ZFPM2: variants seen among roughly 807,000 people sequenced by gnomAD.
ZFPM2 encodes the protein zinc finger protein ZFPM2.
A neutral mutation model predicts 98.6 loss-of-function variants in ZFPM2; 20 were observed. That is an observed-to-expected ratio of 0.20 (90% CI 0.14 to 0.29). The LOEUF is 0.29. Ranked by LOEUF, ZFPM2 falls within the 10% of genes least tolerant of loss-of-function variation. ZFPM2 has a pLI of 1.00. For synonymous variants in ZFPM2, 518 were observed against 502.7 expected (o/e 1.03, Z -0.41); for missense variants, 1,310 against 1,388.6 (o/e 0.94, Z 0.90).
chr8:105,757,296 A>G (rs1449857339), intron 5 of ZFPM2, among the ~76,000 whole-genome samples: 3 of 152,172 alleles, frequency 2.0e-5, no homozygotes, highest in African/African-American at 7.2e-5. Flanking sequence ...GAAGACAGAT[A>G]ACTCTGTAAT....
Position 105,801,708 on chromosome 8 carries a change from T to C in ZFPM2, c.1626T>C (p.Pro542=), listed in dbSNP as rs759114094. 3.1e-6 allele frequency: 5 copies of C among 1,613,846 alleles called. No homozygotes were observed. The highest frequency in any genetic ancestry group is 4.2e-6 in the Non-Finnish European group (5 of 1,179,860). The change falls in exon 8 of 8, where the codon CCT becomes CCC. Residue 542 remains proline, a synonymous_variant. Coordinates refer to ENST00000407775, the MANE Select transcript of ZFPM2 (RefSeq NM_012082.4). Reference sequence around the variant, plus strand: ...GCTACCCTCCCGTCATTTACAGCCCTTTGATGCCCAAGGGGGCTACTTGTT... The same window carrying C: ...GCTACCCTCCCGTCATTTACAGCCCCTTGATGCCCAAGGGGGCTACTTGTT... The part of the protein sequence containing the change: ...SSSYPPVIYS[P]LMPKGATCFE...
In ZFPM2 at chr8:105,594,164, T is replaced by C. The variant is rs534626201; in HGVS notation, c.420+32683T>C. On this transcript the variant is annotated intron_variant, in intron 4 of 7. Transcript: ENST00000407775. ...ACCTAAATGCCTGAGTTATTCCTTT[T>C]AAATCAGCCTGTCTCCTCTCCTCTT... Among the ~76,000 whole-genome samples, 6 of 152,262 alleles carry C rather than the reference T, an allele frequency of 3.9e-5. No homozygotes were observed. In the South Asian group the frequency reaches 1.2e-3, roughly 32 times the overall value.
At chr8:105,783,821 C>G (rs1386957177) in intron 5 of ZFPM2, among the ~76,000 whole-genome samples, 3 of 151,998 alleles carry the variant, frequency 2.0e-5, no homozygotes, top group Admixed American at 6.6e-5. Context: ...CATGTTTTAG[C>G]TATTGTGAAC....
intron 1 of ZFPM2, among the ~76,000 whole-genome samples, chr8:105,384,361 G>A (rs1163701891): frequency 6.6e-6 from 1 of 152,078 alleles, no homozygotes; most frequent in Non-Finnish European, 1.5e-5. Context: ...AGTGATGATT[G>A]CATAAATGAC....
At chr8:105,668,626 A>T (rs181307135) in intron 5 of ZFPM2, among the ~76,000 whole-genome samples, 16 of 152,320 alleles carry the variant, frequency 1.1e-4, no homozygotes, top group Admixed American at 1.3e-4. Context: ...TTATATTAAT[A>T]TTAGGTTTTA....
chr8:105,649,555 A>G (rs1817124962), intron 5 of ZFPM2, among the ~76,000 whole-genome samples: 1 of 152,202 alleles, frequency 6.6e-6, no homozygotes, highest in South Asian at 2.1e-4. Flanking sequence ...GATACGTCCC[A>G]TCAATACCTA....
At chr8:105,334,118 C>CTGTGTGTGTGTGTGTGTGTG (rs71305145) in intron 1 of ZFPM2, among the ~76,000 whole-genome samples, 1 of 120,402 alleles carries the variant, frequency 8.3e-6, no homozygotes, top group African/African-American at 3.5e-5. Context: ...TAGTAATAAA[C>CTGTGTGTGTGTGTGTGTGTG]TGTGTGTGTG....
chr8:105,543,210 G>T (rs566059308), intron 3 of ZFPM2, among the ~76,000 whole-genome samples: 3 of 152,316 alleles, frequency 2.0e-5, no homozygotes, highest in African/African-American at 7.2e-5. Context: ...ACAAGGCCGG[G>T]CGTGGTAGCT....
At chr8:105,390,748 G>C (rs1424375925) in intron 1 of ZFPM2, among the ~76,000 whole-genome samples, 3 of 152,154 alleles carry the variant, frequency 2.0e-5, no homozygotes, top group African/African-American at 7.2e-5. Flanking sequence ...TGAAAATGGA[G>C]AGACAGATGA....
At chr8:105,579,881 G>C (rs1815550936) in intron 4 of ZFPM2, among the ~76,000 whole-genome samples, 1 of 152,022 alleles carries the variant, frequency 6.6e-6, no homozygotes, top group African/African-American at 2.4e-5. Context: ...GAATCATAGT[G>C]CTTTCTAAAA....
intron 5 of ZFPM2, among the ~76,000 whole-genome samples, chr8:105,657,928 A>G (rs2130880979): frequency 6.6e-6 from 1 of 152,320 alleles, no homozygotes; most frequent in African/African-American, 2.4e-5. Context: ...TCAAATCTAA[A>G]CAAAAAATAA....
chr8:105,383,362 G>C lies in ZFPM2; in HGVS notation c.41-35782G>C, dbSNP rs550725083. Among the ~76,000 whole-genome samples the C allele has an allele frequency of 2.1e-3, 319 of 152,254 alleles. 2 individuals carry two copies. Among genetic ancestry groups the C allele is most frequent in the African/African-American group, 7.4e-3 (308 of 41,548 alleles). On this transcript the variant is annotated intron_variant, in intron 1 of 7. Transcript: ENST00000407775. ...CCTTTCTAAAGGGCTTCTAGTCATA[G>C]AAAGCATACAGAGTTACAGTCAAAA...
At chr8:105,501,420 AG>A (rs1446184288) in intron 3 of ZFPM2, among the ~76,000 whole-genome samples, 1 of 151,070 alleles carries the variant, frequency 6.6e-6, no homozygotes, top group African/African-American at 2.4e-5. Context: ...CCTAACTTCA[AG>A]TGATCCACCC....
chr8:105,438,097 G>A (rs1182226328), intron 2 of ZFPM2, among the ~76,000 whole-genome samples: 2 of 152,178 alleles, frequency 1.3e-5, no homozygotes, highest in African/African-American at 4.8e-5. Flanking sequence ...TAGTCATGTA[G>A]CCTCAGGATA....
intron 5 of ZFPM2, among the ~76,000 whole-genome samples, chr8:105,681,232 C>G (rs1810592507): frequency 6.6e-6 from 1 of 152,156 alleles, no homozygotes; most frequent in South Asian, 2.1e-4. Flanking sequence ...CCTTTCTCTG[C>G]CCCATGTCCT....
intron 3 of ZFPM2, among the ~76,000 whole-genome samples, chr8:105,494,637 C>A (rs545457814): frequency 6.6e-6 from 1 of 152,208 alleles, no homozygotes; most frequent in South Asian, 2.1e-4. Flanking sequence ...GGTCTCCAGA[C>A]CAGCAGTAAC....
intron 5 of ZFPM2, among the ~76,000 whole-genome samples, chr8:105,648,854 A>G (rs928133475): frequency 1.3e-5 from 2 of 152,080 alleles, no homozygotes; most frequent in African/African-American, 2.4e-5. Context: ...TTGACTTGGC[A>G]ATGCGGGCTC....
intron 1 of ZFPM2, among the ~76,000 whole-genome samples, chr8:105,381,900 A>G (rs1810896952): frequency 6.6e-6 from 1 of 152,132 alleles, no homozygotes; most frequent in South Asian, 2.1e-4. Flanking sequence ...GATATAGGCT[A>G]TAAGTTGAAG....
At chr8:105,611,166 C>T (rs886222051) in intron 4 of ZFPM2, among the ~76,000 whole-genome samples, 1 of 151,998 alleles carries the variant, frequency 6.6e-6, no homozygotes, top group African/African-American at 2.4e-5. Flanking sequence ...CAAGTTGCAC[C>T]CTGGCCATTC....
Sources: allele counts gnomAD v4.1 joint callset (sites outside exome capture counted in the v4.1 genomes callset), GRCh38; gene constraint gnomAD v4.1.1; transcripts MANE v1.5; gene names NCBI Gene and HGNC (gene_info 2026-07-23, HGNC 2026-07-21).